Variants in FAM13A observed in about 807,000 individuals in gnomAD.
The protein encoded by FAM13A is protein FAM13A.
FAM13A carries 76 observed loss-of-function variants against 129.6 expected under a neutral mutation model. The observed-to-expected ratio is 0.59, with a 90% CI of 0.49 to 0.71. The LOEUF is 0.71. FAM13A is among the 30% of genes least tolerant of loss of function. The pLI is 0.00. For missense variants in FAM13A, 1,108 were observed against 1,249.3 expected (o/e 0.89, Z 1.70); for synonymous variants, 443 against 449.9 (o/e 0.98, Z 0.20).
chr4:88,869,739 G>C (rs1741036310), intron 6 of FAM13A, among the ~76,000 whole-genome samples: 1 of 152,006 alleles, frequency 6.6e-6, no homozygotes, highest in African/African-American at 2.4e-5. Context: ...CTGAATTCTT[G>C]GATTCTAGTT....
At chr4:88,930,717 G>A (rs1275643634) in intron 5 of FAM13A, among the ~76,000 whole-genome samples, 8 of 152,130 alleles carry the variant, frequency 5.3e-5, no homozygotes, top group Non-Finnish European at 1.0e-4. Context: ...TGGGCTACAT[G>A]TGTGAGTGGG....
chr4:89,037,127 G>T (rs1309967613), intron 1 of FAM13A, among the ~76,000 whole-genome samples: 1 of 152,186 alleles, frequency 6.6e-6, no homozygotes, highest in African/African-American at 2.4e-5. Flanking sequence ...CCAAGACCCA[G>T]AATGGTAGAT....
At chr4:88,957,881 T>G (rs1454271953) in intron 4 of FAM13A, among the ~76,000 whole-genome samples, 1 of 152,186 alleles carries the variant, frequency 6.6e-6, no homozygotes, top group African/African-American at 2.4e-5. Flanking sequence ...AAGTTTGAAC[T>G]TTAGAGTGAA....
intron 6 of FAM13A, among the ~76,000 whole-genome samples, chr4:88,873,372 A>T (rs1285668876): frequency 6.6e-6 from 1 of 152,228 alleles, no homozygotes; most frequent in Non-Finnish European, 1.5e-5. Flanking sequence ...TGAAAGGATC[A>T]ACAAAATTGA....
At chr4:88,893,509 G>A (rs1745720151) in intron 6 of FAM13A, among the ~76,000 whole-genome samples, 1 of 149,986 alleles carries the variant, frequency 6.7e-6, no homozygotes, top group Admixed American at 6.6e-5. Context: ...TGTAGTCCCA[G>A]CTACTCAGGA....
intron 1 of FAM13A, among the ~76,000 whole-genome samples, chr4:89,037,841 T>C (rs931685862): frequency 2.0e-5 from 3 of 152,184 alleles, no homozygotes; most frequent in African/African-American, 7.2e-5. Flanking sequence ...CTTCTGGCCA[T>C]GTAAGATGAA....
chr4:88,897,174 T>C (rs1746491897), intron 6 of FAM13A, among the ~76,000 whole-genome samples: 1 of 152,224 alleles, frequency 6.6e-6, no homozygotes, highest in African/African-American at 2.4e-5. Flanking sequence ...TACAAGGACC[T>C]ATGTTGTTCT....
chr4:88,971,246 T>C (rs927174377), intron 4 of FAM13A, among the ~76,000 whole-genome samples: 26 of 151,954 alleles, frequency 1.7e-4, no homozygotes, highest in Admixed American at 6.6e-5. Context: ...GGCACAAAAG[T>C]CATCAAAGGG....
At chr4:88,892,958 G>A (rs981342040) in intron 6 of FAM13A, among the ~76,000 whole-genome samples, 1 of 152,018 alleles carries the variant, frequency 6.6e-6, no homozygotes, top group Non-Finnish European at 1.5e-5. Flanking sequence ...CCAAAAAACT[G>A]AGAAAAGGTA....
intron 3 of FAM13A, among the ~76,000 whole-genome samples, chr4:89,015,283 T>G (rs566271786): frequency 6.6e-6 from 1 of 152,326 alleles, no homozygotes; most frequent in African/African-American, 2.4e-5. Context: ...CTTGTAATAT[T>G]TTATTACCTG....
intron 6 of FAM13A, among the ~76,000 whole-genome samples, chr4:88,888,755 C>T (rs921509029): frequency 1.3e-5 from 2 of 149,388 alleles, no homozygotes; most frequent in African/African-American, 2.5e-5. Context: ...GAAACCCCGT[C>T]TCTACTAAAA....
intron 21 of FAM13A, among the ~76,000 whole-genome samples, chr4:88,733,486 G>C (rs1738315537): frequency 6.6e-6 from 1 of 152,182 alleles, no homozygotes; most frequent in Admixed American, 6.5e-5. Context: ...TTTAGTAAGA[G>C]TAATAACAAT....
intron 8 of FAM13A, among the ~76,000 whole-genome samples, chr4:88,801,538 C>T (rs1003802352): frequency 1.3e-5 from 2 of 152,006 alleles, no homozygotes; most frequent in South Asian, 2.1e-4. Context: ...AATGAGAAAA[C>T]GAAAAGAGAG....
chr4:88,912,600 CA>C (rs1749264203), intron 5 of FAM13A, among the ~76,000 whole-genome samples: 5 of 146,734 alleles, frequency 3.4e-5, no homozygotes, highest in East Asian at 2.0e-4. Flanking sequence ...CACACACACA[CA>C]CACCTCCTAT....
At chr4:89,047,692 C>T (rs1015083032) in intron 1 of FAM13A, among the ~76,000 whole-genome samples, 4 of 152,070 alleles carry the variant, frequency 2.6e-5, no homozygotes, top group Non-Finnish European at 4.4e-5. Context: ...GGGGAACCAG[C>T]GGTGAAAACT....
intron 5 of FAM13A, among the ~76,000 whole-genome samples, chr4:88,931,912 C>T (rs1003248066): frequency 3.3e-5 from 5 of 152,182 alleles, no homozygotes; most frequent in African/African-American, 1.2e-4. Context: ...AGAGATAATA[C>T]AATCAGATTA....
rs992353891 is a variant in FAM13A at position 88,731,336 on chromosome 4, T to C, written c.2936A>G (p.Gln979Arg). ...GGAAGACAGGCACTACCTTCCATTC[T>C]GTCTGAAAAAGTTGTCTTCAAAATC... ...LRDFEDNFFR[Q>R]NGRNVQKEDR... Residue 979 changes from glutamine (Q) to arginine (R), a missense_variant, in exon 23 of 24, where the codon CAG (glutamine) becomes CGG (arginine). This residue lies in a region of FAM13A where 529 missense variants were observed against 621.2 expected (regional missense o/e 0.85). Transcript: ENST00000264344. 4 of 1,600,454 alleles carry C rather than the reference T, an allele frequency of 2.5e-6. No individual in the cohort carries two copies. The highest frequency in any genetic ancestry group is 1.3e-5 in the African/African-American group (1 of 74,756).
At chr4:88,787,090 G>A (rs3796658) in intron 10 of FAM13A, among the ~76,000 whole-genome samples, 81,451 of 151,682 alleles carry the variant, frequency 0.54, 22,325 homozygotes, top group East Asian at 0.69. Context: ...GACAATTTAA[G>A]TCATGATTAT....
At chr4:88,743,718 C>T (rs958616914) in intron 19 of FAM13A, among the ~76,000 whole-genome samples, 13 of 152,154 alleles carry the variant, frequency 8.5e-5, no homozygotes, top group Non-Finnish European at 1.9e-4. Flanking sequence ...AATAGGGTTT[C>T]GCCAAGTTGT....
Sources: gnomAD v4.1 joint callset for allele counts (sites outside exome capture counted in the v4.1 genomes callset) on GRCh38, gnomAD v4.1.1 for gene constraint, gnomAD v4.1.1 regional missense constraint, MANE v1.5 for transcripts, NCBI Gene and HGNC (gene_info 2026-07-23, HGNC 2026-07-21) for gene names.